The following KCNK12 variants were observed in gnomAD, a reference collection of about 807,000 sequenced individuals.
KCNK12 encodes potassium channel subfamily K member 12.
In KCNK12, 6 loss-of-function variants were observed where a neutral mutation model predicts 25.3. The observed-to-expected ratio is 0.24, with a 90% CI of 0.13 to 0.47. The LOEUF (loss-of-function observed/expected upper bound fraction) is 0.47. KCNK12 is among the 20% of genes least tolerant of loss of function. The pLI is 0.99. For missense variants in KCNK12, 444 were observed against 661.7 expected (o/e 0.67, Z 3.61); for synonymous variants, 331 against 311.1 (o/e 1.06, Z -0.67).
intron 1 of KCNK12, among the ~76,000 whole-genome samples, chr2:47,552,068 T>A (rs1669446565): frequency 6.6e-6 from 1 of 152,134 alleles, no homozygotes; most frequent in South Asian, 2.1e-4. Flanking sequence ...GCGTGCTGGC[T>A]CCGAGTCTGC....
intron 1 of KCNK12, among the ~76,000 whole-genome samples, chr2:47,549,826 C>G (rs980009047): frequency 6.6e-6 from 1 of 151,782 alleles, no homozygotes; most frequent in Non-Finnish European, 1.5e-5. Flanking sequence ...TCTAGCTACT[C>G]AGGAGGCTGA....
At chr2:47,541,937 G>C (rs1286671810) in intron 1 of KCNK12, among the ~76,000 whole-genome samples, 2 of 152,328 alleles carry the variant, frequency 1.3e-5, no homozygotes, top group East Asian at 3.9e-4. Flanking sequence ...CTTGGCTGCA[G>C]AAGCCCCACG....
intron 1 of KCNK12, among the ~76,000 whole-genome samples, chr2:47,522,207 A>G (rs972870498): frequency 1.3e-5 from 2 of 152,170 alleles, no homozygotes; most frequent in Non-Finnish European, 2.9e-5. Flanking sequence ...TTTTTTAAAA[A>G]CTGTCATCTT....
In KCNK12 at chr2:47,570,114, C is replaced by A; in HGVS notation, c.218G>T (p.Gly73Val). ...PGEAEARARWGATLRNFSAAH... is the reference protein window; with the variant it reads ...PGEAEARARWVATLRNFSAAH... ...AGCGCTGAAGTTGCGCAGCGTGGCG[C>A]CCCAGCGCGCCCGCGCCTCCGCCTC... Residue 73 changes from glycine (G) to valine (V), a missense_variant, in exon 1 of 2, where the codon GGC (glycine) becomes GTC (valine). Gly to Val is a moderately radical substitution (Grantham distance 109, BLOSUM62 -3). Around this residue, in one of 8 missense-constraint regions of KCNK12, gnomAD observed 106 missense variants for 142.2 expected, o/e 0.75. Coordinates refer to ENST00000327876, the MANE Select transcript of KCNK12 (RefSeq NM_022055.2). 2 of 1,416,838 alleles carry A rather than the reference C, an allele frequency of 1.4e-6. No homozygotes were observed. The highest frequency in any genetic ancestry group is 1.8e-6 in the Non-Finnish European group (2 of 1,086,340). The allele number at this position is 1,416,838 out of a possible 1,614,324, so 87.8% of individuals were successfully genotyped here. A position where few individuals can be genotyped will look rare whatever the true frequency, so the allele number is the denominator to read the frequency against.
Position 47,525,409 on chromosome 2 carries a change from G to A in KCNK12, c.392-3601C>T, listed in dbSNP as rs889752345. 6.6e-5 allele frequency among the ~76,000 whole-genome samples: 10 copies of A among 152,198 alleles called. No homozygotes were observed. Among genetic ancestry groups the A allele is most frequent in the African/African-American group, 7.2e-5 (3 of 41,456 alleles). ...ACTTCCTAGCTGGCTGGGCACAGCC[G>A]CTCACAGGCCTACCCAGAGTGGAGC... On this transcript the variant is annotated intron_variant, in intron 1 of 1. Transcript: ENST00000327876. This position sits in a 1 kb window ranked among gnomAD's most constrained non-coding sequence, Gnocchi z 4.1.
chr2:47,564,073 T>A (rs534989189), intron 1 of KCNK12: 1 of 231,262 alleles, frequency 4.3e-6, no homozygotes, highest in African/African-American at 2.2e-5. Flanking sequence ...GCTGCTCTCA[T>A]TAAAACAAGG....
chr2:47,552,009 G>A (rs189559713), intron 1 of KCNK12, among the ~76,000 whole-genome samples: 4 of 152,280 alleles, frequency 2.6e-5, no homozygotes, highest in East Asian at 1.9e-4. Context: ...GGGGACGACC[G>A]GTGGTGGGGA....
intron 1 of KCNK12, among the ~76,000 whole-genome samples, chr2:47,539,529 G>A (rs1166227974): frequency 6.6e-6 from 1 of 152,134 alleles, no homozygotes; most frequent in Non-Finnish European, 1.5e-5. Context: ...GCCAAAGGGA[G>A]GCCACAAACG....
intron 1 of KCNK12, among the ~76,000 whole-genome samples, chr2:47,531,498 T>C (rs1312086618): frequency 6.7e-6 from 1 of 148,930 alleles, no homozygotes; most frequent in Admixed American, 6.7e-5. Flanking sequence ...TTAGGTGGGA[T>C]TTCAAGAGAT....
chr2:47,524,760 A>C (rs1668732979), intron 1 of KCNK12, among the ~76,000 whole-genome samples: 1 of 152,154 alleles, frequency 6.6e-6, no homozygotes, highest in Admixed American at 6.5e-5. Flanking sequence ...CATAGTGAGA[A>C]AAAAATTTTA....
At position 47,520,114 on chromosome 2, in the gene KCNK12, TGCCGATCCGA is replaced by T. The variant is rs1668617210; in HGVS notation, c.*783_*792del. The T allele has an allele frequency of 6.6e-6, 1 of 152,216 alleles. No individual in the cohort carries two copies. Among genetic ancestry groups the T allele is most frequent in the Non-Finnish European group, 1.5e-5 (1 of 68,032 alleles). The allele number at this position is 152,216 out of a possible 1,614,324, so 9.4% of individuals were successfully genotyped here. A position where few individuals can be genotyped will look rare whatever the true frequency, so the allele number is the denominator to read the frequency against. On this transcript the variant is annotated 3_prime_UTR_variant, in exon 2 of 2. Transcript: ENST00000327876. This position sits in a 1 kb window ranked among gnomAD's most constrained non-coding sequence, Gnocchi z 5.0. ...AAGGACGGTTGGGGGATTCAAGATC[TGCCGATCCGA>T]GCCTGGAGATCAGCCAGCTAAAAGC...
chr2:47,558,627 A>T (rs1372728413), intron 1 of KCNK12, among the ~76,000 whole-genome samples: 1 of 152,178 alleles, frequency 6.6e-6, no homozygotes, highest in African/African-American at 2.4e-5. Context: ...ACAGGCTCAC[A>T]CGAGGCGCTC....
In KCNK12 at chr2:47,538,670, C is replaced by A. The variant is rs559722411; in HGVS notation, c.392-16862G>T. On this transcript the variant is annotated intron_variant, in intron 1 of 1. Coordinates refer to ENST00000327876, the MANE Select transcript of KCNK12 (RefSeq NM_022055.2). This position sits in a 1 kb window ranked among gnomAD's most constrained non-coding sequence, Gnocchi z 4.5. ...CCTGTAATCCCAGTTACTTGGAAGG[C>A]TGAGGCAGGAGAATCATTTGAACCC... Among the ~76,000 whole-genome samples, 1 of 152,154 alleles carries A rather than the reference C, an allele frequency of 6.6e-6. No individual in the cohort carries two copies. The highest frequency in any genetic ancestry group is 1.5e-5 in the Non-Finnish European group (1 of 68,030).
rs1026082274 is a variant in KCNK12, at chr2:47,532,034, G to A, written c.392-10226C>T. ...TGCACTCCAGCCTGGGTGACAAAGC[G>A]CGACTCCGTCTCAAAAAAAACCCCC... On this transcript the variant is annotated intron_variant, in intron 1 of 1. Coordinates refer to ENST00000327876, the MANE Select transcript of KCNK12 (RefSeq NM_022055.2). Among the ~76,000 whole-genome samples the A allele has an allele frequency of 1.1e-4, 16 of 151,980 alleles. 1 individual carries two copies. Among genetic ancestry groups the A allele is most frequent in the Admixed American group, 1.3e-4 (2 of 15,274 alleles).
rs538526267 is a variant in KCNK12, at chr2:47,556,820, A to C, written c.391+13121T>G. On this transcript the variant is annotated intron_variant, in intron 1 of 1. Transcript: ENST00000327876. The surrounding 1 kb of genome is among the most constrained non-coding windows in gnomAD (Gnocchi z 4.8). ...ATTATGATCTCACCCAAACAGGGTG[A>C]TATCAGAGGATGGGAGCTGGAAGCA... Among the ~76,000 whole-genome samples, 40 of 152,348 alleles carry C rather than the reference A, an allele frequency of 2.6e-4. No homozygotes were observed. The highest frequency in any genetic ancestry group is 9.4e-4 in the African/African-American group (39 of 41,590).
chr2:47,553,755 C>G (rs537688298), intron 1 of KCNK12, among the ~76,000 whole-genome samples: 3 of 152,186 alleles, frequency 2.0e-5, no homozygotes, highest in Non-Finnish European at 4.4e-5. Context: ...TTTCAAAGCC[C>G]TCCAATATGA....
chr2:47,539,210 C>G lies in KCNK12; in HGVS notation c.392-17402G>C, dbSNP rs72890162. 1.8e-3 allele frequency among the ~76,000 whole-genome samples: 278 copies of G among 152,338 alleles called. 1 individual carries two copies. Among genetic ancestry groups the G allele is most frequent in the African/African-American group, 6.4e-3 (265 of 41,568 alleles). On this transcript the variant is annotated intron_variant, in intron 1 of 1. Coordinates refer to ENST00000327876, the MANE Select transcript of KCNK12 (RefSeq NM_022055.2). ...TAGCTTGCATGACACCAATCTTCCT[C>G]AAGTCTGAGCCAGAATTTATATCTC...
chr2:47,534,563 G>C (rs1669017744), intron 1 of KCNK12, among the ~76,000 whole-genome samples: 2 of 103,434 alleles, frequency 1.9e-5, no homozygotes, highest in Non-Finnish European at 3.6e-5. Context: ...CCTCATCTCA[G>C]CCCAGAATTT....
Position 47,516,301 on chromosome 2 carries a change from G to A in KCNK12, c.*4606C>T, listed in dbSNP as rs1668523738. 6.6e-6 allele frequency among the ~76,000 whole-genome samples: 1 copy of A among 152,154 alleles called. No individual in the cohort carries two copies. Among genetic ancestry groups the A allele is most frequent in the Admixed American group, 6.5e-5 (1 of 15,278 alleles). On this transcript the variant is annotated 3_prime_UTR_variant, in exon 2 of 2. Transcript: ENST00000327876. ...TCCTGGGAGTACGGCCCGGGCCTCG[G>A]GATCCTTTAAAGCTCCATTTGGAGA...
Sources: allele counts gnomAD v4.1 joint callset (sites outside exome capture counted in the v4.1 genomes callset), GRCh38; gene constraint gnomAD v4.1.1; regional missense constraint gnomAD v4.1.1; non-coding constraint Gnocchi (gnomAD v3.1); transcripts MANE v1.5; gene names NCBI Gene and HGNC (gene_info 2026-07-23, HGNC 2026-07-21).